The following NUP214 variants were observed in gnomAD, a reference collection of about 807,000 sequenced individuals.
The protein encoded by NUP214 is nucleoporin 214.
Under a neutral mutation model 196.2 loss-of-function variants are expected in NUP214, and 79 were observed. That is an observed-to-expected ratio of 0.40 (90% CI 0.34 to 0.49). The LOEUF (loss-of-function observed/expected upper bound fraction) is 0.49. Ranked by LOEUF, NUP214 falls within the 20% of genes least tolerant of loss-of-function variation. The probability of loss-of-function intolerance (pLI) is 0.58; values close to 1 mark genes in which losing one functional copy is unlikely to be tolerated. For missense variants in NUP214, 2,468 were observed against 2,539.0 expected (o/e 0.97, Z 0.60); for synonymous variants, 1,020 against 990.5 (o/e 1.03, Z -0.56).
rs1207619800 is a variant in NUP214, at chr9:131,198,730, A to G, written c.5236A>G (p.Ser1746Gly). The change falls in exon 29 of 36, where the codon AGT becomes GGT. Residue 1746 changes from serine (S) to glycine (G), a missense_variant. Ser to Gly is a moderately conservative substitution (Grantham distance 56). This residue lies in a region of NUP214 where 1,801 missense variants were observed against 1,779.4 expected (regional missense o/e 1.01). Coordinates refer to ENST00000359428, the MANE Select transcript of NUP214 (RefSeq NM_005085.4). The stretch of plus-strand genomic sequence containing the variant: ...CAGTGCTGCAAGTGTCTTTTCCTTC[A>G]GTCAGCCTGGGTTCAGTTCCGTGCC... Reference protein sequence around the residue: ...ASSAASVFSFSQPGFSSVPAF... With the variant: ...ASSAASVFSFGQPGFSSVPAF... 55 of 1,614,072 alleles carry G rather than the reference A, an allele frequency of 3.4e-5. No individual in the cohort carries two copies. The East Asian group carries it at 1.2e-3, about 36-fold the overall frequency.
chr9:131,139,400 C>A lies in NUP214; in HGVS notation c.1125C>A (p.Ile375=), dbSNP rs1353205438. The change falls in exon 10 of 36, where the codon ATC becomes ATA. Residue 375 remains isoleucine (I), a synonymous_variant. Coordinates refer to ENST00000359428, the MANE Select transcript of NUP214 (RefSeq NM_005085.4). ...VVVDYTNQVE[I]TISDEKTLPP... is the part of the protein sequence containing the mutation. ...TAGACTATACAAACCAAGTGGAAATCACCATCAGTAAGTGTAGCCTGGTAG... is the reference window on the plus strand; with the variant it reads ...TAGACTATACAAACCAAGTGGAAATAACCATCAGTAAGTGTAGCCTGGTAG... 3 of 1,604,398 alleles carry A rather than the reference C, an allele frequency of 1.9e-6. No homozygotes were observed. In the African/African-American group the frequency reaches 4.0e-5, roughly 22 times the overall value.
rs545516765 is a variant in NUP214 at position 131,166,053 on chromosome 9, A to G, written c.2893+1909A>G. On this transcript the variant is annotated intron_variant, in intron 21 of 35. Coordinates refer to ENST00000359428, the MANE Select transcript of NUP214 (RefSeq NM_005085.4). The stretch of plus-strand genomic sequence containing the variant: ...GGATGGTGGTGATGATTACACAACA[A>G]TGTGAATGTACTTAATACCAATGAA... Among the ~76,000 whole-genome samples, 3 of 152,340 alleles carry G rather than the reference A, an allele frequency of 2.0e-5. No homozygotes were observed. In the East Asian group the frequency reaches 5.8e-4, roughly 29 times the overall value.
At chr9:131,141,090 A>T (rs940133156) in intron 11 of NUP214, among the ~76,000 whole-genome samples, 6 of 152,084 alleles carry the variant, frequency 3.9e-5, no homozygotes, top group Non-Finnish European at 5.9e-5. Flanking sequence ...TGTACCAATT[A>T]TAAATGTTAT....
In NUP214 at chr9:131,192,214, C is replaced by T. The variant is rs1389008666; in HGVS notation, c.3581C>T (p.Ala1194Val). 20 of 919,284 alleles carry T rather than the reference C, an allele frequency of 2.2e-5. No homozygotes were observed. Among genetic ancestry groups the T allele is most frequent in the Non-Finnish European group, 3.0e-5 (19 of 629,116 alleles). 56.9% of individuals were successfully genotyped at this position (919,284 alleles called of 1,614,324 possible). ...TTTTTTTCCATAATTTCAGGGACAG[C>T]CAAGATAGAAACAGCTGTGACTTCA... ...LSSGDKASGTAKIETAVTSTP... is the reference protein window; with the variant it reads ...LSSGDKASGTVKIETAVTSTP... Residue 1194 changes from alanine (A) to valine (V), a missense_variant, in exon 27 of 36, where the codon GCC becomes GTC. By Grantham distance (64) the Ala-to-Val change is moderately conservative. Transcript: ENST00000359428.
Position 131,129,352 on chromosome 9 carries a change from A to C in NUP214, c.467A>C (p.Lys156Thr). 6.2e-7 allele frequency: 1 copy of C among 1,614,218 alleles called. No homozygotes were observed. Among genetic ancestry groups the C allele is most frequent in the Non-Finnish European group, 8.5e-7 (1 of 1,180,030 alleles). The change falls in exon 4 of 36, where the codon AAG (lysine) becomes ACG (threonine). Residue 156 changes from lysine to threonine, a missense_variant. Physicochemically the swap from Lys to Thr is moderately conservative, Grantham distance 78. Around this residue, in one of 5 missense-constraint regions of NUP214, gnomAD observed 392 missense variants for 417.9 expected, o/e 0.94. Transcript: ENST00000359428. ...KDAGGMVIDM[K>T]WNPTVPSMVA... ...GCAGGAGGCATGGTGATTGATATGA[A>C]GTGGAACCCCACTGTCCCCTCCATG... is the stretch of plus-strand genomic sequence containing the variant.
At chr9:131,216,505 C>G (rs1834401060) in intron 31 of NUP214, among the ~76,000 whole-genome samples, 1 of 143,910 alleles carries the variant, frequency 6.9e-6, no homozygotes, top group Non-Finnish European at 1.5e-5. Context: ...GGATTACAGG[C>G]GTGAACCACC....
intron 24 of NUP214, among the ~76,000 whole-genome samples, chr9:131,182,685 A>T (rs1833317750): frequency 6.6e-6 from 1 of 152,082 alleles, no homozygotes; most frequent in Non-Finnish European, 1.5e-5. Flanking sequence ...GTGACTTTTA[A>T]TTGGGGTGAT....
Position 131,130,137 on chromosome 9 carries a change from G to GTTTTTTTTTTTTTTTTTTTTTTT in NUP214, c.593-616_593-615insTTTTTTTTTTTTTTTTTTTTTTT, listed in dbSNP as rs757856001. Among the ~76,000 whole-genome samples, 253 of 76,920 alleles carry GTTTTTTTTTTTTTTTTTTTTTTT rather than the reference G, an allele frequency of 3.3e-3. 68 individuals are homozygous for GTTTTTTTTTTTTTTTTTTTTTTT. The highest frequency in any genetic ancestry group is 0.021 in the Middle Eastern group (1 of 48). 50.5% of individuals were successfully genotyped at this position (76,920 alleles called of 152,430 possible). A position where few individuals can be genotyped will look rare whatever the true frequency, so the allele number is the denominator to read the frequency against. Reference sequence around the variant, plus strand: ...GAGCAGGAGAATGATTTCTGGTTTTGTTTTTTTTTTTTTGTTTTTTTTTTG... The same window carrying GTTTTTTTTTTTTTTTTTTTTTTT: ...GAGCAGGAGAATGATTTCTGGTTTTGTTTTTTTTTTTTTTTTTTTTTTTTTTTTTTTTTTTTGTTTTTTTTTTG... On this transcript the variant is annotated intron_variant, in intron 4 of 35. Transcript: ENST00000359428.
chr9:131,165,355 T>G (rs1588142221), intron 21 of NUP214: 1 of 152,236 alleles, frequency 6.6e-6, no homozygotes, highest in East Asian at 1.9e-4. Flanking sequence ...GTTCCAAACT[T>G]TTTTCTTTGC....
At chr9:131,209,248 C>G (rs1834169127) in intron 30 of NUP214, among the ~76,000 whole-genome samples, 1 of 151,980 alleles carries the variant, frequency 6.6e-6, no homozygotes, top group Non-Finnish European at 1.5e-5. Context: ...CGTGGCAGTG[C>G]ATGCCTGTAG....
intron 2 of NUP214, among the ~76,000 whole-genome samples, 184 bp from the exon 3 acceptor site, chr9:131,128,148 C>T (rs1178513887): frequency 2.0e-5 from 3 of 152,114 alleles, no homozygotes; most frequent in African/African-American, 7.2e-5. Context: ...AGGAAGAATT[C>T]CAGGGATACT....
chr9:131,223,723 A>ATTTATTTATTT (rs1554742606), intron 32 of NUP214, among the ~76,000 whole-genome samples: 1 of 18,968 alleles, frequency 5.3e-5, no homozygotes, highest in Non-Finnish European at 1.2e-4. Flanking sequence ...TTATTTATTT[A>ATTTATTTATTT]TTTATTTTTT....
intron 33 of NUP214, chr9:131,230,269 G>T (rs1834839611): frequency 4.7e-6 from 1 of 214,580 alleles, no homozygotes; most frequent in Admixed American, 5.2e-5. Flanking sequence ...TGGGGGAATG[G>T]TCGGTAAGTG....
At chr9:131,181,122 C>T (rs1833266729) in intron 24 of NUP214, among the ~76,000 whole-genome samples, 1 of 152,062 alleles carries the variant, frequency 6.6e-6, no homozygotes, top group Non-Finnish European at 1.5e-5. Context: ...GGAAGGCCTT[C>T]TCAGGAAGGT....
intron 1 of NUP214, among the ~76,000 whole-genome samples, chr9:131,126,772 A>G (rs975640184): frequency 2.6e-5 from 4 of 151,854 alleles, no homozygotes; most frequent in African/African-American, 9.7e-5. Context: ...CTGGTCTCGA[A>G]CTCCTGACCT....
At chr9:131,151,956 C>T in intron 17 of NUP214, 62 bp downstream of exon 17, 3 of 1,322,710 alleles carry the variant, frequency 2.3e-6, no homozygotes, top group Non-Finnish European at 3.1e-6. Flanking sequence ...ACAATTGCTA[C>T]CTCTTTTTGC....
chr9:131,130,912 T>C (rs1230215360), intron 5 of NUP214, 76 bp downstream of exon 5: 13 of 1,143,776 alleles, frequency 1.1e-5, no homozygotes, highest in Non-Finnish European at 1.7e-5. Flanking sequence ...AGTATCTTTC[T>C]TGTTTTTCCT....
chr9:131,155,668 TG>T (rs1286479086), intron 17 of NUP214, among the ~76,000 whole-genome samples: 53 of 152,234 alleles, frequency 3.5e-4, no homozygotes, highest in African/African-American at 1.3e-3. Flanking sequence ...AGGTGAGAGA[TG>T]AGGATCCAGT....
chr9:131,150,739 C>G lies in NUP214; in HGVS notation c.2251C>G (p.Leu751Val). 1.2e-6 allele frequency: 2 copies of G among 1,613,308 alleles called. No individual in the cohort carries two copies. Among genetic ancestry groups the G allele is most frequent in the South Asian group, 2.2e-5 (2 of 90,868 alleles). Residue 751 changes from leucine (L) to valine (V), a missense_variant, in exon 16 of 36, where the codon CTT (leucine) becomes GTT (valine). By Grantham distance (32) the Leu-to-Val change is conservative (BLOSUM62 1). Transcript: ENST00000359428. ...AGAATCAGATGACTTGCATACCTTT[C>G]TTTTGGAGATTAAAGAGACCACAGA... ...RTESDDLHTF[L>V]LEIKETTESL... is the part of the protein sequence containing the mutation.
Sources: allele counts gnomAD v4.1 joint callset (sites outside exome capture counted in the v4.1 genomes callset), GRCh38; gene constraint gnomAD v4.1.1; regional missense constraint gnomAD v4.1.1; transcripts MANE v1.5; gene names NCBI Gene and HGNC (gene_info 2026-07-23, HGNC 2026-07-21).